The following ST13 variants were observed in gnomAD, a reference collection of about 807,000 sequenced individuals.
The protein encoded by ST13 is ST13 Hsp70 interacting protein, also known as hsc70-interacting protein.
In ST13, 23 loss-of-function variants were observed where a neutral mutation model predicts 56.7. The ratio of observed to expected loss-of-function variants is 0.41; its 90% CI spans 0.29 to 0.57. The LOEUF (loss-of-function observed/expected upper bound fraction) is 0.57, where lower values mean the gene tolerates loss of function less well. ST13 is among the 20% of genes least tolerant of loss of function. The pLI is 0.36. For missense variants in ST13, 369 were observed against 459.9 expected, an observed-to-expected ratio of 0.80 and a Z score of 1.81; for synonymous variants, 132 against 142.4, an observed-to-expected ratio of 0.93 and a Z score of 0.52.
rs543717634 is a variant in ST13, at chr22:40,832,358, CAG to C, written c.681+209_681+210del. 919 of 552,310 alleles carry C rather than the reference CAG, an allele frequency of 1.7e-3. 3 individuals are homozygous for C. The highest frequency in any genetic ancestry group is 3.0e-3 in the Admixed American group (108 of 35,866). The allele number at this position is 552,310 out of a possible 1,614,324, so 34.2% of individuals were successfully genotyped here. ...CACTGCAGGCTTCCAAACAAAGTAA[CAG>C]AGTTTGCTCTAATAATGCATGAGAA... On this transcript the variant is annotated intron_variant, in intron 8 of 11. Coordinates refer to ENST00000216218, the MANE Select transcript of ST13 (RefSeq NM_003932.5).
intron 7 of ST13, among the ~76,000 whole-genome samples, chr22:40,833,723 T>C (rs1323651875): frequency 2.0e-5 from 3 of 150,994 alleles, no homozygotes; most frequent in East Asian, 3.9e-4. Flanking sequence ...TATAAAAAAT[T>C]TGCCACACAT....
At chr22:40,833,285 T>C (rs2057762281) in intron 7 of ST13, among the ~76,000 whole-genome samples, 1 of 152,172 alleles carries the variant, frequency 6.6e-6, no homozygotes, top group African/African-American at 2.4e-5. Flanking sequence ...TAAGAAGCTG[T>C]GTGGCTGGGC....
At chr22:40,834,196 A>C (rs2057766977) in intron 7 of ST13, among the ~76,000 whole-genome samples, 1 of 152,030 alleles carries the variant, frequency 6.6e-6, no homozygotes, top group Non-Finnish European at 1.5e-5. Flanking sequence ...GAGGCAGGAT[A>C]ATCACTTGAA....
intron 7 of ST13, among the ~76,000 whole-genome samples, chr22:40,833,305 C>T (rs2057762425): frequency 6.6e-6 from 1 of 152,128 alleles, no homozygotes; most frequent in South Asian, 2.1e-4. Flanking sequence ...CGCGGTGGCT[C>T]ACGTCTGTAA....
At chr22:40,852,362 C>T (rs2057865940) in intron 1 of ST13, among the ~76,000 whole-genome samples, 1 of 152,152 alleles carries the variant, frequency 6.6e-6, no homozygotes, top group Non-Finnish European at 1.5e-5. Flanking sequence ...AACTCTCATC[C>T]AGCTTTCTAA....
intron 10 of ST13, among the ~76,000 whole-genome samples, chr22:40,828,048 G>A (rs1299826668): frequency 1.3e-5 from 2 of 152,078 alleles, no homozygotes; most frequent in African/African-American, 4.8e-5. Context: ...TCTTCCTTCA[G>A]TTAAGGACGA....
At chr22:40,836,013 C>T (rs2057775646) in intron 5 of ST13, 126 bp from the exon 6 acceptor site, 3 of 713,066 alleles carry the variant, frequency 4.2e-6, no homozygotes. Flanking sequence ...AAAAAGACAA[C>T]TAAGTTATAC....
At chr22:40,847,185 C>T (rs1184302417) in intron 3 of ST13, among the ~76,000 whole-genome samples, 2 of 152,116 alleles carry the variant, frequency 1.3e-5, no homozygotes, top group African/African-American at 4.8e-5. Context: ...CCAGTTTTAT[C>T]AACATGGTTG....
Position 40,835,576 on chromosome 22 carries a change from G to T in ST13, c.562C>A (p.Arg188=). The T allele has an allele frequency of 1.2e-6, 2 of 1,611,366 alleles. No homozygotes were observed. The highest frequency in any genetic ancestry group is 1.7e-6 in the Non-Finnish European group (2 of 1,179,050). Residue 188 remains arginine, a synonymous_variant, in exon 7 of 12, where the codon CGG becomes AGG. Coordinates refer to ENST00000216218, the MANE Select transcript of ST13 (RefSeq NM_003932.5). ...ATTATTTACCTGTGTGCTTTCCCCC[G>T]CCACTTGTAAGGCTGAGCTGAATCA... ...NPDSAQPYKW[R]GKAHRLLGHW... is the part of the protein sequence containing the mutation.
At position 40,827,140 on chromosome 22, in the gene ST13, G is replaced by A. The variant is rs1253058607; in HGVS notation, c.937C>T (p.Leu313Phe). Residue 313 changes from leucine (L) to phenylalanine (F), a missense_variant, in exon 11 of 12, where the codon CTC becomes TTC. Leu to Phe is a conservative substitution (Grantham distance 22). Coordinates refer to ENST00000216218, the MANE Select transcript of ST13 (RefSeq NM_003932.5). Reference sequence around the variant, plus strand: ...TCTGGATCACTAAGAATTTCATTGAGTCCAGGCATTCCAGCCATTCCAGGC... The same window carrying A: ...TCTGGATCACTAAGAATTTCATTGAATCCAGGCATTCCAGCCATTCCAGGC... Reference protein sequence around the residue: ...GMPGMAGMPGLNEILSDPEVL... With the variant: ...GMPGMAGMPGFNEILSDPEVL... 4 of 1,612,164 alleles carry A rather than the reference G, an allele frequency of 2.5e-6. No individual in the cohort carries two copies. In the African/African-American group the frequency reaches 4.0e-5, roughly 16 times the overall value.
At chr22:40,833,377 G>A (rs1188057795) in intron 7 of ST13, among the ~76,000 whole-genome samples, 1 of 151,556 alleles carries the variant, frequency 6.6e-6, no homozygotes, top group East Asian at 1.9e-4. Context: ...AGACCATCCT[G>A]GCTAACCCGG....
chr22:40,837,418 C>T (rs1158551968), intron 5 of ST13, among the ~76,000 whole-genome samples: 1 of 152,026 alleles, frequency 6.6e-6, no homozygotes, highest in Admixed American at 6.5e-5. Context: ...GAGTTCAAGA[C>T]CAGCCTGACC....
chr22:40,835,915 A>C (rs759442427), intron 5 of ST13, 28 bp from the exon 6 acceptor site: 2 of 1,523,868 alleles, frequency 1.3e-6, no homozygotes, highest in Non-Finnish European at 1.8e-6. Context: ...TTATCGAGAA[A>C]TATTCAGAGG....
chr22:40,834,791 G>A (rs920053657), intron 7 of ST13, among the ~76,000 whole-genome samples: 5 of 152,180 alleles, frequency 3.3e-5, no homozygotes, highest in Middle Eastern at 6.3e-3. Flanking sequence ...AGCAATGCAT[G>A]GGCTTTTCCT....
At chr22:40,837,061 C>CA (rs2057780930) in intron 5 of ST13, among the ~76,000 whole-genome samples, 1 of 152,240 alleles carries the variant, frequency 6.6e-6, no homozygotes, top group Non-Finnish European at 1.5e-5. Context: ...AGTAATCCCC[C>CA]CAACTCAGCC....
rs1275117134 is a variant in ST13, at chr22:40,825,533, AGTT to A, written c.*1002_*1004del. On this transcript the variant is annotated 3_prime_UTR_variant, in exon 12 of 12. Coordinates refer to ENST00000216218, the MANE Select transcript of ST13 (RefSeq NM_003932.5). The stretch of plus-strand genomic sequence containing the variant: ...TTCTCTTGGCCAAGTAAGAAACTAC[AGTT>A]GTTGTGGGTATTACCCTACAATTAC... 1 of 152,166 alleles carries A rather than the reference AGTT, an allele frequency of 6.6e-6. No individual in the cohort carries two copies. Among genetic ancestry groups the A allele is most frequent in the Non-Finnish European group, 1.5e-5 (1 of 68,034 alleles). 9.4% of individuals were successfully genotyped at this position (152,166 alleles called of 1,614,324 possible).
chr22:40,833,460 G>A (rs2057763243), intron 7 of ST13, among the ~76,000 whole-genome samples: 1 of 151,708 alleles, frequency 6.6e-6, no homozygotes, highest in Non-Finnish European at 1.5e-5. Context: ...AGCTACTCAG[G>A]AGGCTGAGGC....
rs745617104 is a variant in ST13, at chr22:40,856,563, C to A, written c.-23G>T. ...CATGGTAGGGAGGTGGTGGGCGAAA[C>A]TGGGGGGGCTACGGCCCGGTTCCAG... On this transcript the variant is annotated 5_prime_UTR_variant, in exon 1 of 12. Transcript: ENST00000216218. 6.3e-7 allele frequency: 1 copy of A among 1,597,198 alleles called. No homozygotes were observed. Among genetic ancestry groups the A allele is most frequent in the East Asian group, 2.2e-5 (1 of 44,808 alleles).
chr22:40,855,991 CT>C (rs1364264504), intron 1 of ST13, among the ~76,000 whole-genome samples: 1 of 152,082 alleles, frequency 6.6e-6, no homozygotes, highest in African/African-American at 2.4e-5. Flanking sequence ...AGTTTTGTAA[CT>C]TTTAACTTAC....
Sources: gnomAD v4.1 joint callset for allele counts (sites outside exome capture counted in the v4.1 genomes callset) on GRCh38, gnomAD v4.1.1 for gene constraint, MANE v1.5 for transcripts, NCBI Gene and HGNC (gene_info 2026-07-23, HGNC 2026-07-21) for gene names.